Variants in GALNT17 observed in about 807,000 individuals in gnomAD.
The protein encoded by GALNT17 is UDP-GalNAc:polypeptide N-acetylgalactosaminyltransferase-like 3.
GALNT17 carries 29 observed loss-of-function variants against 63.7 expected under a neutral mutation model. That is an observed-to-expected ratio of 0.46 (90% CI 0.34 to 0.62). The LOEUF is 0.62. Among genes scored for constraint, GALNT17 ranks in the 20% least tolerant of loss-of-function variants. The probability of loss-of-function intolerance (pLI) is 0.01; values close to 1 mark genes in which losing one functional copy is unlikely to be tolerated. For missense variants in GALNT17, 603 were observed against 799.6 expected, an observed-to-expected ratio of 0.75 and a Z score of 2.97; for synonymous variants, 305 against 318.3, an observed-to-expected ratio of 0.96 and a Z score of 0.45.
chr7:71,276,488 T>C (rs922109644), intron 1 of GALNT17, among the ~76,000 whole-genome samples: 1 of 152,158 alleles, frequency 6.6e-6, no homozygotes, highest in Non-Finnish European at 1.5e-5. Flanking sequence ...TGGGAGGTAA[T>C]TGAATCATGG....
At chr7:71,439,943 CT>C (rs370145707) in intron 5 of GALNT17, among the ~76,000 whole-genome samples, 14,452 of 123,336 alleles carry the variant, frequency 0.12, 614 homozygotes, top group East Asian at 0.42. Flanking sequence ...TCCAGGCCCT[CT>C]TTTTTTTTTT....
chr7:71,464,987 A>G (rs1787511430), intron 5 of GALNT17, among the ~76,000 whole-genome samples: 1 of 152,208 alleles, frequency 6.6e-6, no homozygotes, highest in Non-Finnish European at 1.5e-5. Flanking sequence ...GTGGACTAGC[A>G]TTCTAAAGAA....
chr7:71,673,964 A>G (rs886234186), intron 8 of GALNT17, among the ~76,000 whole-genome samples: 5 of 152,226 alleles, frequency 3.3e-5, no homozygotes, highest in African/African-American at 1.2e-4. Context: ...TGCACTGCAC[A>G]ACTCCAGGAG....
chr7:71,418,297 A>G (rs1786584745), intron 4 of GALNT17, among the ~76,000 whole-genome samples: 1 of 152,218 alleles, frequency 6.6e-6, no homozygotes, highest in Admixed American at 6.5e-5. Context: ...CCCGGGTGGC[A>G]TAGAACCCTC....
intron 5 of GALNT17, among the ~76,000 whole-genome samples, chr7:71,467,389 C>T (rs757658583): frequency 2.8e-4 from 42 of 152,110 alleles, no homozygotes; most frequent in Non-Finnish European, 5.4e-4. Flanking sequence ...CCATCAGGCT[C>T]ACAGGAGATG....
intron 1 of GALNT17, among the ~76,000 whole-genome samples, chr7:71,218,979 C>T (rs1276614091): frequency 1.3e-5 from 2 of 152,036 alleles, no homozygotes; most frequent in Non-Finnish European, 2.9e-5. Context: ...CCACCCCTCC[C>T]CTCTAGTCTG....
intron 1 of GALNT17, among the ~76,000 whole-genome samples, chr7:71,311,649 G>A (rs142940640): frequency 1.3e-5 from 2 of 152,264 alleles, no homozygotes; most frequent in East Asian, 1.9e-4. Context: ...TCTCAGTGAA[G>A]AGTGATGTCA....
At chr7:71,277,055 C>T (rs771228453) in intron 1 of GALNT17, among the ~76,000 whole-genome samples, 45 of 151,970 alleles carry the variant, frequency 3.0e-4, no homozygotes, top group Admixed American at 3.9e-4. Context: ...TTCTTCATAG[C>T]GGTATGAAAA....
At chr7:71,418,250 T>C (rs1273846155) in intron 4 of GALNT17, among the ~76,000 whole-genome samples, 1 of 152,230 alleles carries the variant, frequency 6.6e-6, no homozygotes, top group Non-Finnish European at 1.5e-5. Context: ...TCTGTGACTT[T>C]AGTCTTTGCC....
intron 3 of GALNT17, among the ~76,000 whole-genome samples, chr7:71,392,036 AC>A (rs1793061127): frequency 6.6e-6 from 1 of 151,914 alleles, no homozygotes; most frequent in Non-Finnish European, 1.5e-5. Context: ...TGAGGGATCC[AC>A]CCCCATGACC....
At chr7:71,642,473 T>G (rs1213448183) in intron 6 of GALNT17, among the ~76,000 whole-genome samples, 2 of 152,186 alleles carry the variant, frequency 1.3e-5, no homozygotes, top group Non-Finnish European at 2.9e-5. Context: ...TGCAGATTCA[T>G]GGACAACCAA....
intron 5 of GALNT17, among the ~76,000 whole-genome samples, chr7:71,551,734 G>A (rs1424260641): frequency 2.0e-5 from 3 of 149,316 alleles, no homozygotes; most frequent in African/African-American, 7.4e-5. Context: ...CTCCAGCCTA[G>A]GGGACAGAGT....
At chr7:71,173,527 C>T (rs1038444301) in intron 1 of GALNT17, among the ~76,000 whole-genome samples, 1 of 152,324 alleles carries the variant, frequency 6.6e-6, no homozygotes, top group East Asian at 1.9e-4. Flanking sequence ...ATTCCCAGCA[C>T]TTTGGGAGGC....
chr7:71,406,438 A>T (rs574465746), intron 3 of GALNT17, among the ~76,000 whole-genome samples: 1 of 152,230 alleles, frequency 6.6e-6, no homozygotes, highest in East Asian at 1.9e-4. Context: ...TGTTTCTCAA[A>T]GAGAATGCCT....
intron 9 of GALNT17, among the ~76,000 whole-genome samples, chr7:71,703,090 C>T (rs1271639206): frequency 2.6e-5 from 4 of 152,124 alleles, no homozygotes; most frequent in Admixed American, 6.5e-5. Flanking sequence ...CTATTGAAAG[C>T]GCTGAGGATG....
intron 2 of GALNT17, among the ~76,000 whole-genome samples, chr7:71,353,610 A>G (rs999365859): frequency 1.3e-5 from 2 of 152,198 alleles, no homozygotes; most frequent in African/African-American, 4.8e-5. Context: ...AATTAGATTC[A>G]GAATGTGCTT....
chr7:71,214,855 G>C (rs1334590320), intron 1 of GALNT17, among the ~76,000 whole-genome samples: 1 of 152,170 alleles, frequency 6.6e-6, no homozygotes, highest in African/African-American at 2.4e-5. Context: ...TGGGATTACA[G>C]GCGTGAGCCA....
intron 1 of GALNT17, among the ~76,000 whole-genome samples, chr7:71,225,892 A>G (rs1191229001): frequency 6.6e-6 from 1 of 152,244 alleles, no homozygotes; most frequent in Non-Finnish European, 1.5e-5. Context: ...TGCTTATGGT[A>G]CACTATTAGG....
At chr7:71,575,489 C>T (rs547107201) in intron 6 of GALNT17, among the ~76,000 whole-genome samples, 1 of 151,892 alleles carries the variant, frequency 6.6e-6, no homozygotes, top group African/African-American at 2.4e-5. Context: ...CTCGAGTTCA[C>T]GCCATTCTCC....
Sources: allele counts gnomAD v4.1 joint callset (sites outside exome capture counted in the v4.1 genomes callset), GRCh38; gene constraint gnomAD v4.1.1; transcripts MANE v1.5; gene names NCBI Gene and HGNC (gene_info 2026-07-23, HGNC 2026-07-21).